CNTRL: variants seen among roughly 807,000 people sequenced by gnomAD.
CNTRL encodes the protein 110 kDa centrosomal protein.
Under a neutral mutation model 303.7 loss-of-function variants are expected in CNTRL, and 233 were observed. The ratio of observed to expected loss-of-function variants is 0.77; its 90% CI spans 0.69 to 0.86. The LOEUF is 0.86. Ranked by LOEUF, CNTRL falls within the 40% of genes least tolerant of loss-of-function variation. The pLI is 0.00. For synonymous variants in CNTRL, 900 were observed against 922.2 expected, an observed-to-expected ratio of 0.98 and a Z score of 0.44; for missense variants, 2,524 against 2,650.6, an observed-to-expected ratio of 0.95 and a Z score of 1.05.
Position 121,171,217 on chromosome 9 carries a change from A to G in CNTRL, c.6277-191A>G, listed in dbSNP as rs1218434980. 3 of 676,634 alleles carry G rather than the reference A, an allele frequency of 4.4e-6. No homozygotes were observed. The African/African-American group carries it at 5.3e-5, about 12-fold the overall frequency. 41.9% of individuals were successfully genotyped at this position (676,634 alleles called of 1,614,324 possible). ...TTATTATCAAAGGTAATGCTAACAGACTCTGACGTGTATATACGCCCAGCT... is the reference window on the plus strand; with the variant it reads ...TTATTATCAAAGGTAATGCTAACAGGCTCTGACGTGTATATACGCCCAGCT... On this transcript the variant is annotated intron_variant, in intron 39 of 43. Transcript: ENST00000373855.
chr9:121,083,115 G>A (rs941434388), intron 2 of CNTRL, among the ~76,000 whole-genome samples: 1 of 152,110 alleles, frequency 6.6e-6, no homozygotes, highest in Non-Finnish European at 1.5e-5. Context: ...TGAATGTGAA[G>A]GTGTAGGACA....
chr9:121,096,122 T>G (rs1198681686), intron 5 of CNTRL, among the ~76,000 whole-genome samples: 2 of 152,222 alleles, frequency 1.3e-5, no homozygotes, highest in Admixed American at 6.5e-5. Flanking sequence ...TTGCTAGTAC[T>G]GTTCACAGTA....
chr9:121,095,718 A>G (rs1241471790), intron 5 of CNTRL, among the ~76,000 whole-genome samples: 3 of 152,256 alleles, frequency 2.0e-5, no homozygotes, highest in Admixed American at 2.0e-4. Flanking sequence ...TAAAATTTGT[A>G]TAAAAAGTTG....
intron 43 of CNTRL, 98 bp downstream of exon 43, chr9:121,175,322 A>G: frequency 2.8e-6 from 3 of 1,072,990 alleles, no homozygotes; most frequent in Non-Finnish European, 4.2e-6. Flanking sequence ...GCTGGAGTGC[A>G]TTGGTACCAT....
chr9:121,146,025 G>T (rs1282521862), intron 22 of CNTRL, 83 bp from the exon 23 acceptor site: 33 of 1,248,188 alleles, frequency 2.6e-5, no homozygotes, highest in Non-Finnish European at 3.5e-5. Flanking sequence ...AAAATTAATT[G>T]GCTCTCTTAG....
intron 7 of CNTRL, among the ~76,000 whole-genome samples, chr9:121,101,497 A>G (rs1413786109): frequency 1.3e-5 from 2 of 152,346 alleles, no homozygotes; most frequent in Non-Finnish European, 1.5e-5. Context: ...AGAACTAGAG[A>G]AGCAAGAGCA....
intron 20 of CNTRL, among the ~76,000 whole-genome samples, chr9:121,144,440 A>G (rs1447314511): frequency 1.3e-5 from 2 of 152,204 alleles, no homozygotes; most frequent in East Asian, 3.9e-4. Flanking sequence ...CATCTCGTGC[A>G]GTCATGTGAA....
chr9:121,158,546 A>G (rs2052698240), intron 30 of CNTRL: 1 of 269,052 alleles, frequency 3.7e-6, no homozygotes, highest in African/African-American at 2.2e-5. Context: ...ACTAACTTCC[A>G]TCACCAAGGA....
rs2052158525 is a variant in CNTRL at position 121,150,411 on chromosome 9, A to T, written c.3891A>T (p.Pro1297=). The T allele has an allele frequency of 6.2e-7, 1 of 1,613,556 alleles. No homozygotes were observed. The highest frequency in any genetic ancestry group is 1.7e-5 in the Admixed American group (1 of 59,932). ...PAGAPMVYGP[P]PPNFSIPFIP... ...GGGCCCCCATGGTGTATGGGCCTCC[A>T]CCCCCCAACTTCTCCATCCCCTTCA... is the stretch of plus-strand genomic sequence containing the variant. Residue 1297 remains proline, a synonymous_variant, in exon 25 of 44, where the codon CCA becomes CCT. Coordinates refer to ENST00000373855, the MANE Select transcript of CNTRL (RefSeq NM_007018.6).
At position 121,175,019 on chromosome 9, in the gene CNTRL, C is replaced by G. The variant is rs754021141; in HGVS notation, c.6749C>G (p.Ala2250Gly). The change falls in exon 43 of 44, where the codon GCC (alanine) becomes GGC (glycine). Residue 2250 changes from alanine (A) to glycine (G), a missense_variant and splice_region_variant. Coordinates refer to ENST00000373855, the MANE Select transcript of CNTRL (RefSeq NM_007018.6). ...CCTAAGTCTTATCACACTTTTCAGG[C>G]CCAACTCCGACACTGTATGTCCAAG... Reference protein sequence around the residue: ...KLRHREDRLKAQLRHCMSKQA... With the variant: ...KLRHREDRLKGQLRHCMSKQA... 4 of 1,613,336 alleles carry G rather than the reference C, an allele frequency of 2.5e-6. No homozygotes were observed. The African/African-American group carries it at 5.3e-5, about 22-fold the overall frequency.
rs1354043317 is a variant in CNTRL at position 121,138,186 on chromosome 9, G to GT, written c.2203-352dup. On this transcript the variant is annotated intron_variant, in intron 15 of 43. Transcript: ENST00000373855. ...AACAGACATACCTAGTGTTGATACA[G>GT]TTTTTTTGAGGACCACAGTTTGAGA... 3.3e-5 allele frequency among the ~76,000 whole-genome samples: 5 copies of GT among 152,240 alleles called. No individual in the cohort carries two copies. In the East Asian group the frequency reaches 9.6e-4, roughly 29 times the overall value.
rs774160106 is a variant in CNTRL at position 121,143,948 on chromosome 9, G to A, written c.2917G>A (p.Asp973Asn). The A allele has an allele frequency of 1.2e-6, 2 of 1,611,142 alleles. No homozygotes were observed. Among genetic ancestry groups the A allele is most frequent in the Admixed American group, 1.7e-5 (1 of 59,070 alleles). The change falls in exon 20 of 44, where the codon GAT (aspartate) becomes AAT (asparagine). Residue 973 changes from aspartate (D) to asparagine (N), a missense_variant. Transcript: ENST00000373855. The part of the protein sequence containing the change: ...AKSQEQVFGL[D>N]KELKKLKKAV... ...ATCTCAGGAGCAAGTTTTTGGTTTA[G>A]ATAAAGAACTGAAGAAACTAAAGAA...
At chr9:121,104,046 A>C (rs2132830318) in intron 7 of CNTRL, among the ~76,000 whole-genome samples, 1 of 152,346 alleles carries the variant, frequency 6.6e-6, no homozygotes, top group South Asian at 2.1e-4. Flanking sequence ...AAGGATTGTA[A>C]ATCATGCCAC....
At chr9:121,107,182 C>T (rs2049517818) in intron 7 of CNTRL, among the ~76,000 whole-genome samples, 1 of 152,014 alleles carries the variant, frequency 6.6e-6, no homozygotes. Flanking sequence ...AACTTAAGAC[C>T]TGTAGGATGC....
intron 25 of CNTRL, among the ~76,000 whole-genome samples, chr9:121,151,260 T>G (rs770509519): frequency 7.2e-5 from 11 of 152,158 alleles, no homozygotes; most frequent in Non-Finnish European, 1.5e-4. Context: ...TTTTAATGAC[T>G]GTACAACATT....
At chr9:121,090,970 A>G (rs2048544347) in intron 4 of CNTRL, among the ~76,000 whole-genome samples, 1 of 152,236 alleles carries the variant, frequency 6.6e-6, no homozygotes, top group African/African-American at 2.4e-5. Flanking sequence ...GGATGGCAGC[A>G]GGCCTAAAGA....
chr9:121,117,405 ATCTC>A (rs2050025816), intron 11 of CNTRL, among the ~76,000 whole-genome samples: 1 of 152,166 alleles, frequency 6.6e-6, no homozygotes, highest in African/African-American at 2.4e-5. Context: ...ATTTGTTTAA[ATCTC>A]TATGCTAAAA....
At chr9:121,169,892 C>T (rs1443335169) in intron 39 of CNTRL, 76 bp downstream of exon 39, 1 of 1,191,044 alleles carries the variant, frequency 8.4e-7, no homozygotes, top group Non-Finnish European at 1.2e-6. Context: ...CACTTCAACA[C>T]AGAGAAAATA....
intron 1 of CNTRL, among the ~76,000 whole-genome samples, chr9:121,077,721 G>A (rs970399112): frequency 2.7e-5 from 4 of 150,778 alleles, no homozygotes; most frequent in African/African-American, 4.9e-5. Context: ...GAGGCAGGAG[G>A]ATCACTTGAG....
Sources: allele counts gnomAD v4.1 joint callset (sites outside exome capture counted in the v4.1 genomes callset), GRCh38; gene constraint gnomAD v4.1.1; transcripts MANE v1.5; gene names NCBI Gene and HGNC (gene_info 2026-07-23, HGNC 2026-07-21).